Variants in NIBAN3 observed in about 807,000 individuals in gnomAD.
NIBAN3 encodes the protein niban apoptosis regulator 3.
A neutral mutation model predicts 76.4 loss-of-function variants in NIBAN3; 66 were observed. That is an observed-to-expected ratio of 0.86 (90% CI 0.71 to 1.06). The LOEUF (loss-of-function observed/expected upper bound fraction) is 1.06, where lower values mean the gene tolerates loss of function less well. Among genes scored for constraint, NIBAN3 ranks in the 50% least tolerant of loss-of-function variants. The pLI is 0.00. For missense variants in NIBAN3, 808 were observed against 810.7 expected (o/e 1.00, Z 0.04); for synonymous variants, 360 against 355.2 (o/e 1.01, Z -0.15).
intron 14 of NIBAN3, chr19:17,549,833 T>TC: frequency 1.8e-6 from 1 of 551,286 alleles, no homozygotes; most frequent in South Asian, 2.7e-5. Context: ...TCTCTTTTTT[T>TC]TTTTTTTGAG....
Position 17,542,400 on chromosome 19 carries a change from C to A in NIBAN3, c.1329+106C>A. ...GACCACGATGATCGAGACAACTCCGCGGGGCTGCCAGTCTCATGGGGACAT... is the reference window on the plus strand; with the variant it reads ...GACCACGATGATCGAGACAACTCCGAGGGGCTGCCAGTCTCATGGGGACAT... On this transcript the variant is annotated intron_variant, in intron 10 of 14. Coordinates refer to ENST00000599164, the MANE Select transcript of NIBAN3 (RefSeq NM_001321827.2). The surrounding 1 kb of genome is among the most constrained non-coding windows in gnomAD (Gnocchi z 4.8). The A allele has an allele frequency of 3.2e-6, 4 of 1,239,080 alleles. No homozygotes were observed. Among genetic ancestry groups the A allele is most frequent in the Non-Finnish European group, 3.3e-6 (3 of 899,958 alleles). The allele number at this position is 1,239,080 out of a possible 1,614,324, so 76.8% of individuals were successfully genotyped here. A position where few individuals can be genotyped will look rare whatever the true frequency, so the allele number is the denominator to read the frequency against.
chr19:17,554,419 G>T (rs1190437202), downstream of NIBAN3, among the ~76,000 whole-genome samples: 1 of 151,690 alleles, frequency 6.6e-6, no homozygotes, highest in Admixed American at 6.6e-5. Context: ...GGTTGAGGCT[G>T]CAGTGAGCCA....
chr19:17,532,122 C>A, intron 2 of NIBAN3, 141 bp from the exon 3 acceptor site: 6 of 1,163,498 alleles, frequency 5.2e-6, no homozygotes, highest in Non-Finnish European at 7.0e-6. Context: ...AGAGCCCCTT[C>A]CTGCCTAGGA....
intron 8 of NIBAN3, 40 bp downstream of exon 8, chr19:17,539,805 G>A: frequency 6.9e-7 from 1 of 1,444,338 alleles, no homozygotes; most frequent in Non-Finnish European, 9.3e-7. Flanking sequence ...GAGGGGCGAG[G>A]CGATGCTGGG....
At chr19:17,533,826 T>G (rs2075775909) in intron 4 of NIBAN3, 125 bp downstream of exon 4, 2 of 694,166 alleles carry the variant, frequency 2.9e-6, no homozygotes, top group African/African-American at 3.6e-5. Flanking sequence ...CATCCCTGGC[T>G]TCCACCCACT....
chr19:17,553,631 T>G lies in NIBAN3; in HGVS notation c.*1733T>G. 7 of 1,358,566 alleles carry G rather than the reference T, an allele frequency of 5.2e-6. No homozygotes were observed. The South Asian group carries it at 5.9e-5, about 11-fold the overall frequency. 84.2% of individuals were successfully genotyped at this position (1,358,566 alleles called of 1,614,324 possible). ...TCCGAAATACATTTGCTCAATACAT[T>G]TGCACTTCATAGGCTTCTTTAGCTG... On this transcript the variant is annotated 3_prime_UTR_variant, in exon 15 of 15. Coordinates refer to ENST00000599164, the MANE Select transcript of NIBAN3 (RefSeq NM_001321827.2).
intron 1 of NIBAN3, among the ~76,000 whole-genome samples, chr19:17,529,843 T>C (rs1021503621): frequency 6.6e-6 from 1 of 152,144 alleles, no homozygotes; most frequent in African/African-American, 2.4e-5. Flanking sequence ...GAGGATTGCT[T>C]GAGGCCAGGA....
rs187591525 is a variant in NIBAN3, at chr19:17,532,337, C to G, written c.261C>G (p.Ile87Met). ...GCCACCCACCCCGGTGGCAGCCGAT[C>G]TTCTGTGTTCTGCGTGGGGACGGCC... Reference protein sequence around the residue: ...LRGHPPRWQPIFCVLRGDGRL... With the variant: ...LRGHPPRWQPMFCVLRGDGRL... The change falls in exon 3 of 15, where the codon ATC (isoleucine) becomes ATG (methionine). Residue 87 changes from isoleucine to methionine, a missense_variant. Ile to Met is a conservative substitution (Grantham distance 10). Coordinates refer to ENST00000599164, the MANE Select transcript of NIBAN3 (RefSeq NM_001321827.2). The G allele has an allele frequency of 6.2e-7, 1 of 1,614,158 alleles. No individual in the cohort carries two copies. The highest frequency in any genetic ancestry group is 2.2e-5 in the East Asian group (1 of 44,876).
rs1388714376 is a variant in NIBAN3 at position 17,539,399 on chromosome 19, C to T, written c.764C>T (p.Thr255Ile). The change falls in exon 7 of 15, where the codon ACC (threonine) becomes ATC (isoleucine). Residue 255 changes from threonine to isoleucine, a missense_variant. By Grantham distance (89) the Thr-to-Ile change is moderately conservative (BLOSUM62 -1). Transcript: ENST00000599164. ...REQLPALRAQ[T>I]LPGLRGAGRA... Reference sequence around the variant, plus strand: ...CAACTTCCCGCGCTGCGAGCCCAGACCCTTCCTGGCCTGCGGGGGGCAGGC... The same window carrying T: ...CAACTTCCCGCGCTGCGAGCCCAGATCCTTCCTGGCCTGCGGGGGGCAGGC... 2.0e-6 allele frequency: 3 copies of T among 1,533,958 alleles called. No homozygotes were observed. The highest frequency in any genetic ancestry group is 2.6e-6 in the Non-Finnish European group (3 of 1,142,986).
intron 14 of NIBAN3, chr19:17,549,777 G>A: frequency 1.7e-6 from 1 of 575,692 alleles, no homozygotes; most frequent in Non-Finnish European, 3.1e-6. Context: ...CAGCCCTGGG[G>A]GGCTGAGATT....
Position 17,542,056 on chromosome 19 carries a change from G to C in NIBAN3, c.1171-80G>C. ...GTATTTTCATTTGTGTTTCTCCTTT[G>C]GTGAATTGGTAATGGGGTCCCTGGC... On this transcript the variant is annotated intron_variant, in intron 9 of 14. Transcript: ENST00000599164. The surrounding 1 kb of genome is among the most constrained non-coding windows in gnomAD (Gnocchi z 4.8). 1 of 1,509,414 alleles carries C rather than the reference G, an allele frequency of 6.6e-7. No individual in the cohort carries two copies. Among genetic ancestry groups the C allele is most frequent in the Admixed American group, 1.7e-5 (1 of 58,278 alleles). 93.5% of individuals were successfully genotyped at this position (1,509,414 alleles called of 1,614,324 possible).
intron 9 of NIBAN3, among the ~76,000 whole-genome samples, chr19:17,541,446 C>T (rs2075950683): frequency 6.6e-6 from 1 of 152,024 alleles, no homozygotes; most frequent in African/African-American, 2.4e-5. Context: ...ACTCTGTCTC[C>T]CCTAATTTGT....
upstream of NIBAN3, chr19:17,527,123 G>C: frequency 8.3e-7 from 1 of 1,209,814 alleles, no homozygotes; most frequent in Non-Finnish European, 1.1e-6. Flanking sequence ...CCTAACCCCG[G>C]GGCTGTCCCC....
Position 17,527,344 on chromosome 19 carries a change from G to C in NIBAN3, c.4G>C (p.Gly2Arg). The C allele has an allele frequency of 6.5e-7, 1 of 1,550,096 alleles. No homozygotes were observed. Among genetic ancestry groups the C allele is most frequent in the Non-Finnish European group, 8.7e-7 (1 of 1,146,688 alleles). The change falls in exon 1 of 15, where the codon GGT (glycine) becomes CGT (arginine). Residue 2 changes from glycine to arginine, a missense_variant. Transcript: ENST00000599164. MGGRPSSPLDKQ... is the reference protein window; with the variant it reads MRGRPSSPLDKQ... ...AGCCCCGGGAGACGACAGCAGCATG[G>C]GTGGGCGGCCTTCGAGCCCTCTGGA...
chr19:17,553,467 T>C lies in NIBAN3; in HGVS notation c.*1569T>C, dbSNP rs2076186799. 1.2e-6 allele frequency: 2 copies of C among 1,614,214 alleles called. No homozygotes were observed. The highest frequency in any genetic ancestry group is 1.7e-6 in the Non-Finnish European group (2 of 1,180,042). On this transcript the variant is annotated 3_prime_UTR_variant, in exon 15 of 15. Transcript: ENST00000599164. ...GGAGTGGGTTCCACAGGGATTCCCG[T>C]GTGTTCTTGGTTCAGCTTGCAGAGG...
At chr19:17,526,291 C>T (rs8105219), upstream of NIBAN3, among the ~76,000 whole-genome samples, 1,310 of 150,854 alleles carry the variant, frequency 8.7e-3, 19 homozygotes, top group African/African-American at 0.03. Context: ...CCAGTCTGGG[C>T]GACAGTGCGA....
intron 13 of NIBAN3, among the ~76,000 whole-genome samples, chr19:17,548,743 T>G (rs1241458946): frequency 6.6e-6 from 1 of 152,012 alleles, no homozygotes; most frequent in Non-Finnish European, 1.5e-5. Flanking sequence ...TTGGCCAACA[T>G]GGTGAAACCC....
chr19:17,553,000 G>A lies in NIBAN3; in HGVS notation c.*1102G>A, dbSNP rs1194016379. 6.2e-6 allele frequency: 1 copy of A among 161,560 alleles called. No homozygotes were observed. The highest frequency in any genetic ancestry group is 1.3e-5 in the Non-Finnish European group (1 of 74,840). The allele number at this position is 161,560 out of a possible 1,614,324, so 10.0% of individuals were successfully genotyped here. ...TGAGATGGGAGATTTACCTGAGCCT[G>A]GGAACTCAAGGCTGCAGTGAGTGGT... On this transcript the variant is annotated 3_prime_UTR_variant, in exon 15 of 15. Coordinates refer to ENST00000599164, the MANE Select transcript of NIBAN3 (RefSeq NM_001321827.2).
intron 8 of NIBAN3, 143 bp from the exon 9 acceptor site, chr19:17,540,249 A>C (rs2075921270): frequency 3.6e-6 from 2 of 555,358 alleles, no homozygotes. Flanking sequence ...CGCCCCTCCG[A>C]GGCTCAGTTT....
Sources: gnomAD v4.1 joint callset for allele counts (sites outside exome capture counted in the v4.1 genomes callset) on GRCh38, gnomAD v4.1.1 for gene constraint, Gnocchi (gnomAD v3.1) non-coding constraint, MANE v1.5 for transcripts, NCBI Gene and HGNC (gene_info 2026-07-23, HGNC 2026-07-21) for gene names.